ALK: variants seen among roughly 807,000 people sequenced by gnomAD.
ALK encodes the protein ALK tyrosine kinase receptor.
ALK carries 74 observed loss-of-function variants against 163.1 expected under a neutral mutation model. That is an observed-to-expected ratio of 0.45 (90% CI 0.38 to 0.55). The LOEUF (loss-of-function observed/expected upper bound fraction) is 0.55. Ranked by LOEUF, ALK falls within the 20% of genes least tolerant of loss-of-function variation. The probability of loss-of-function intolerance (pLI) is 0.00; values close to 1 mark genes in which losing one functional copy is unlikely to be tolerated. For synonymous variants in ALK, 960 were observed against 843.2 expected (o/e 1.14, Z -2.40); for missense variants, 2,063 against 2,105.3 (o/e 0.98, Z 0.39).
chr2:29,489,138 G>A (rs913556080), intron 4 of ALK, among the ~76,000 whole-genome samples: 1 of 152,112 alleles, frequency 6.6e-6, no homozygotes, highest in Admixed American at 6.5e-5. Flanking sequence ...ATATGTTTAC[G>A]TCTCATATTA....
At chr2:29,537,295 A>T (rs1673284561) in intron 3 of ALK, among the ~76,000 whole-genome samples, 1 of 152,242 alleles carries the variant, frequency 6.6e-6, no homozygotes. Context: ...CTAAGAGGCA[A>T]GAATGGTTTC....
chr2:29,424,004 C>CT (rs1447754245), intron 4 of ALK, among the ~76,000 whole-genome samples: 2 of 152,082 alleles, frequency 1.3e-5, no homozygotes, highest in African/African-American at 2.4e-5. Flanking sequence ...CTTTTCAGGC[C>CT]TTTTTTTCAT....
chr2:29,865,489 CCT>C (rs1666409841), intron 1 of ALK, among the ~76,000 whole-genome samples: 1 of 152,168 alleles, frequency 6.6e-6, no homozygotes, highest in Non-Finnish European at 1.5e-5. Context: ...TTCAGCTGCT[CCT>C]GAGTTTTATA....
At chr2:29,592,089 TG>T (rs1056768353) in intron 3 of ALK, among the ~76,000 whole-genome samples, 2 of 152,080 alleles carry the variant, frequency 1.3e-5, no homozygotes, top group African/African-American at 2.4e-5. Flanking sequence ...CGGAGGGGCC[TG>T]GGGGATGGAG....
intron 1 of ALK, among the ~76,000 whole-genome samples, chr2:29,837,296 G>A (rs796272491): frequency 1.3e-5 from 2 of 152,284 alleles, no homozygotes; most frequent in East Asian, 3.9e-4. Flanking sequence ...CCAGGGAAGA[G>A]ATATTGGGAT....
chr2:29,620,948 G>T lies in ALK; in HGVS notation c.952+73902C>A, dbSNP rs569530546. On this transcript the variant is annotated intron_variant, in intron 3 of 28. Transcript: ENST00000389048. Reference sequence around the variant, plus strand: ...GGTCAAGTAAAAGAACAACATCTCAGACAAGATAATAGCAGACTTATCTGC... The same window carrying T: ...GGTCAAGTAAAAGAACAACATCTCATACAAGATAATAGCAGACTTATCTGC... 3.9e-5 allele frequency among the ~76,000 whole-genome samples: 6 copies of T among 152,274 alleles called. No homozygotes were observed. In the South Asian group the frequency reaches 6.2e-4, roughly 16 times the overall value.
rs897275868 is a variant in ALK, at chr2:29,608,922, A to AGTTTT, written c.953-76811_953-76807dup. ...GCTGGTCTCTCATAATTCCATTTCCAGTTTTGTTTTGTTTTGTTTTGAGAC... is the reference window on the plus strand; with the variant it reads ...GCTGGTCTCTCATAATTCCATTTCCAGTTTTGTTTTGTTTTGTTTTGTTTTGAGAC... On this transcript the variant is annotated intron_variant, in intron 3 of 28. Coordinates refer to ENST00000389048, the MANE Select transcript of ALK (RefSeq NM_004304.5). 5.3e-5 allele frequency among the ~76,000 whole-genome samples: 8 copies of AGTTTT among 151,744 alleles called. No individual in the cohort carries two copies. In the East Asian group the frequency reaches 5.8e-4, roughly 11 times the overall value.
intron 4 of ALK, among the ~76,000 whole-genome samples, chr2:29,459,283 G>A (rs563594726): frequency 2.0e-5 from 3 of 151,980 alleles, no homozygotes; most frequent in Admixed American, 1.3e-4. Context: ...GCTTTTATAG[G>A]TTGAAAGTCA....
At chr2:29,875,190 A>G (rs1404251274) in intron 1 of ALK, among the ~76,000 whole-genome samples, 1 of 152,224 alleles carries the variant, frequency 6.6e-6, no homozygotes, top group Non-Finnish European at 1.5e-5. Context: ...AGCCTCAGAA[A>G]AGAATGAAAT....
chr2:29,604,212 AAG>A (rs1241780763), intron 3 of ALK, among the ~76,000 whole-genome samples: 3 of 152,038 alleles, frequency 2.0e-5, no homozygotes, highest in African/African-American at 7.2e-5. Flanking sequence ...AGAAATCAAA[AAG>A]AGAATATTTT....
intron 11 of ALK, among the ~76,000 whole-genome samples, chr2:29,265,753 C>T (rs976657597): frequency 6.6e-6 from 1 of 152,056 alleles, no homozygotes. Flanking sequence ...TTTGGGAGGC[C>T]TAGGCGAGTG....
intron 3 of ALK, among the ~76,000 whole-genome samples, chr2:29,595,087 A>G (rs906694376): frequency 5.9e-5 from 9 of 152,170 alleles, no homozygotes; most frequent in Admixed American, 2.0e-4. Flanking sequence ...CTCCTCCCAG[A>G]TGTCTTTTCA....
chr2:29,381,856 T>G (rs1668904699), intron 5 of ALK, among the ~76,000 whole-genome samples: 2 of 152,204 alleles, frequency 1.3e-5, no homozygotes, highest in Admixed American at 6.5e-5. Flanking sequence ...ATGTCTGCAA[T>G]TTGTCTATGC....
chr2:29,724,878 T>C (rs1051900121), intron 1 of ALK, among the ~76,000 whole-genome samples: 9 of 152,108 alleles, frequency 5.9e-5, no homozygotes, highest in African/African-American at 2.2e-4. Context: ...CCAGAGAAGT[T>C]TGTGCTCTTT....
intron 1 of ALK, among the ~76,000 whole-genome samples, chr2:29,738,228 C>T (rs1446328989): frequency 1.3e-5 from 2 of 151,888 alleles, no homozygotes; most frequent in African/African-American, 4.8e-5. Context: ...CCGAGCATCA[C>T]GCCAAAAAGT....
At chr2:29,825,664 C>A (rs989214437) in intron 1 of ALK, among the ~76,000 whole-genome samples, 4 of 151,642 alleles carry the variant, frequency 2.6e-5, no homozygotes, top group Admixed American at 2.6e-4. Flanking sequence ...TGATTTTATG[C>A]ATGATTGTGA....
intron 3 of ALK, among the ~76,000 whole-genome samples, chr2:29,692,693 A>T (rs1051689157): frequency 6.6e-6 from 1 of 152,216 alleles, no homozygotes; most frequent in Non-Finnish European, 1.5e-5. Flanking sequence ...TATGCATCCC[A>T]TCCTAACAGG....
At chr2:29,413,419 T>C (rs947253497) in intron 4 of ALK, among the ~76,000 whole-genome samples, 3 of 152,138 alleles carry the variant, frequency 2.0e-5, no homozygotes, top group African/African-American at 4.8e-5. Flanking sequence ...CGATCTTGAC[T>C]CACTGCAACC....
intron 2 of ALK, among the ~76,000 whole-genome samples, chr2:29,696,530 T>TAAAAAAAAAAAAAAAAAAAAAAAAAAA (rs60320646): frequency 9.6e-6 from 1 of 103,850 alleles, no homozygotes; most frequent in Non-Finnish European, 2.0e-5. Context: ...CTTAAAGGAT[T>TAAAAAAAAAAAAAAAAAAAAAAAAAAA]AAAAAAAAAA....
Sources: gnomAD v4.1 joint callset for allele counts (sites outside exome capture counted in the v4.1 genomes callset) on GRCh38, gnomAD v4.1.1 for gene constraint, MANE v1.5 for transcripts, NCBI Gene and HGNC (gene_info 2026-07-23, HGNC 2026-07-21) for gene names.